MYO16: variants seen among roughly 807,000 people sequenced by gnomAD.
MYO16 encodes the protein unconventional myosin-XVI.
Under a neutral mutation model 205.3 loss-of-function variants are expected in MYO16, and 94 were observed. The ratio of observed to expected loss-of-function variants is 0.46; its 90% CI spans 0.39 to 0.54. The LOEUF (loss-of-function observed/expected upper bound fraction) is 0.54. Among genes scored for constraint, MYO16 ranks in the 20% least tolerant of loss-of-function variants. The probability of loss-of-function intolerance (pLI) is 0.00; values close to 1 mark genes in which losing one functional copy is unlikely to be tolerated. For missense variants in MYO16, 2,315 were observed against 2,387.5 expected (o/e 0.97, Z 0.63); for synonymous variants, 988 against 954.0 (o/e 1.04, Z -0.66).
At chr13:109,071,025 C>G (rs1566491474) in intron 27 of MYO16, among the ~76,000 whole-genome samples, 3 of 152,104 alleles carry the variant, frequency 2.0e-5, no homozygotes, top group Non-Finnish European at 4.4e-5. Context: ...AACTTGAAAA[C>G]TTAGTTTTGT....
the MYO16 span, among the ~76,000 whole-genome samples, chr13:108,510,471 T>TTTG: frequency 1.3e-3 from 167 of 130,620 alleles, 9 homozygotes; most frequent in East Asian, 8.8e-3. Context: ...GTTTTTTTTT[T>TTTG]TTTTTTTTTT....
At chr13:108,608,587 A>C (rs1879049873) in intron 1 of MYO16, among the ~76,000 whole-genome samples, 1 of 152,196 alleles carries the variant, frequency 6.6e-6, no homozygotes, top group Admixed American at 6.6e-5. Flanking sequence ...GCATACATAT[A>C]CACATACATA....
chr13:108,676,372 C>CATGTGTGT (rs3223334), intron 2 of MYO16, among the ~76,000 whole-genome samples: 2 of 131,672 alleles, frequency 1.5e-5, no homozygotes, highest in South Asian at 2.6e-4. Flanking sequence ...TATATGTACG[C>CATGTGTGT]GTGTGTGTGT....
intron 22 of MYO16, among the ~76,000 whole-genome samples, chr13:109,015,067 T>C (rs1452632779): frequency 1.3e-5 from 2 of 152,230 alleles, no homozygotes; most frequent in East Asian, 3.8e-4. Context: ...CTTCCAGTTA[T>C]TGCCCATTCA....
intron 31 of MYO16, among the ~76,000 whole-genome samples, chr13:109,133,575 C>G (rs1340191129): frequency 6.6e-6 from 1 of 152,134 alleles, no homozygotes; most frequent in Non-Finnish European, 1.5e-5. Context: ...TAAGAGGCAA[C>G]TTTATGATGT....
the MYO16 span, among the ~76,000 whole-genome samples, chr13:108,589,895 G>T: frequency 6.6e-6 from 1 of 152,076 alleles, no homozygotes; most frequent in Non-Finnish European, 1.5e-5. Context: ...TCTTAAGAAA[G>T]GTGTTAAGAT....
chr13:108,895,999 C>G (rs1880395220), intron 14 of MYO16, among the ~76,000 whole-genome samples: 1 of 152,086 alleles, frequency 6.6e-6, no homozygotes, highest in Non-Finnish European at 1.5e-5. Context: ...TTCAGAGGAC[C>G]TCCTCAGCGT....
chr13:108,961,202 G>T (rs901195194), intron 17 of MYO16, among the ~76,000 whole-genome samples: 3 of 152,128 alleles, frequency 2.0e-5, no homozygotes, highest in Non-Finnish European at 4.4e-5. Flanking sequence ...TACAAGTGAA[G>T]CCCAGCCAGT....
At chr13:108,604,198 G>A (rs1275198140) in intron 1 of MYO16, among the ~76,000 whole-genome samples, 5 of 152,088 alleles carry the variant, frequency 3.3e-5, no homozygotes, top group Admixed American at 6.6e-5. Flanking sequence ...CCCAAGAGTG[G>A]GGAACAATTT....
intron 31 of MYO16, among the ~76,000 whole-genome samples, chr13:109,133,220 A>T (rs917819423): frequency 6.6e-6 from 1 of 152,188 alleles, no homozygotes; most frequent in South Asian, 2.1e-4. Context: ...GCAGGCACTT[A>T]ATTAAGCATC....
At chr13:108,711,201 C>G (rs531241206) in intron 2 of MYO16, among the ~76,000 whole-genome samples, 8 of 152,312 alleles carry the variant, frequency 5.3e-5, no homozygotes, top group African/African-American at 1.9e-4. Context: ...CTTCTTGTAA[C>G]AGCAGAGAAA....
At chr13:108,990,689 G>A (rs565523330) in intron 20 of MYO16, among the ~76,000 whole-genome samples, 467 of 151,980 alleles carry the variant, frequency 3.1e-3, no homozygotes, top group Non-Finnish European at 3.7e-3. Context: ...TTCTCTCACT[G>A]TATTATATTC....
At chr13:108,703,423 GA>G (rs1337919169) in intron 2 of MYO16, among the ~76,000 whole-genome samples, 3 of 152,114 alleles carry the variant, frequency 2.0e-5, no homozygotes, top group Non-Finnish European at 4.4e-5. Context: ...CAAAATACAT[GA>G]AGCAAAACTG....
chr13:109,023,606 T>A, intron 23 of MYO16, among the ~76,000 whole-genome samples: 1 of 126,972 alleles, frequency 7.9e-6, no homozygotes, highest in Non-Finnish European at 1.6e-5. Context: ...TAAATGTACA[T>A]ATTTATATAT....
At chr13:108,840,780 T>C (rs980187087) in intron 9 of MYO16, among the ~76,000 whole-genome samples, 1 of 152,160 alleles carries the variant, frequency 6.6e-6, no homozygotes, top group African/African-American at 2.4e-5. Context: ...AAGCAATCCT[T>C]CTACAGTCAG....
At chr13:108,780,216 G>A (rs1228654002) in intron 4 of MYO16, among the ~76,000 whole-genome samples, 2 of 152,164 alleles carry the variant, frequency 1.3e-5, no homozygotes, top group African/African-American at 2.4e-5. Flanking sequence ...GAAGAAAAAT[G>A]AAGATATATT....
chr13:109,065,470 C>A, intron 27 of MYO16: 1 of 407,112 alleles, frequency 2.5e-6, no homozygotes. Context: ...AATATAAAAC[C>A]ATTTATTTTT....
the MYO16 span, among the ~76,000 whole-genome samples, chr13:108,575,642 A>G: frequency 8.6e-5 from 13 of 152,030 alleles, no homozygotes; most frequent in Non-Finnish European, 1.8e-4. Context: ...ATACCGCCCT[A>G]TGTCCTTTTG....
intron 5 of MYO16, among the ~76,000 whole-genome samples, chr13:108,787,939 T>C (rs1886507121): frequency 6.6e-6 from 1 of 152,276 alleles, no homozygotes; most frequent in Middle Eastern, 3.4e-3. Flanking sequence ...GTAAATACTG[T>C]CTAATTCGAT....
Sources: gnomAD v4.1 joint callset for allele counts (sites outside exome capture counted in the v4.1 genomes callset) on GRCh38, gnomAD v4.1.1 for gene constraint, MANE v1.5 for transcripts, NCBI Gene and HGNC (gene_info 2026-07-23, HGNC 2026-07-21) for gene names.